The following ADGRL1 variants were observed in gnomAD, a reference collection of about 807,000 sequenced individuals.
ADGRL1 encodes adhesion G protein-coupled receptor L1.
Under a neutral mutation model 148.9 loss-of-function variants are expected in ADGRL1, and 31 were observed. The observed-to-expected ratio is 0.21, with a 90% confidence interval of 0.16 to 0.28. The LOEUF is 0.28. ADGRL1 is among the 10% of genes least tolerant of loss of function. The pLI, the probability that ADGRL1 is intolerant of heterozygous loss-of-function variation, is 1.00. For missense variants in ADGRL1, 1,521 were observed against 2,058.8 expected (o/e 0.74, Z 5.05); for synonymous variants, 937 against 900.3 (o/e 1.04, Z -0.73).
rs372451373 is a variant in ADGRL1 at position 14,152,193 on chromosome 19, G to A, written c.3650-43C>T. 55 of 1,613,970 alleles carry A rather than the reference G, an allele frequency of 3.4e-5. No homozygotes were observed. Among genetic ancestry groups the A allele is most frequent in the Non-Finnish European group, 4.5e-5 (53 of 1,180,022 alleles). On this transcript the variant is annotated intron_variant, in intron 21 of 22. Transcript: ENST00000361434. The surrounding 1 kb of genome is among the most constrained non-coding windows in gnomAD (Gnocchi z 6.1). ...AAGAGAGAAGAGAAAAGGCAAGGATGAGCTCGAAATGCAAGTCCAGGCTCC... is the reference window on the plus strand; with the variant it reads ...AAGAGAGAAGAGAAAAGGCAAGGATAAGCTCGAAATGCAAGTCCAGGCTCC...
In ADGRL1 at chr19:14,157,189, G is replaced by A. The variant is rs1968855721; in HGVS notation, c.2746-44C>T. On this transcript the variant is annotated intron_variant, in intron 14 of 22. Coordinates refer to ENST00000361434, the MANE Select transcript of ADGRL1 (RefSeq NM_014921.5). This position sits in a 1 kb window ranked among gnomAD's most constrained non-coding sequence, Gnocchi z 7.5. ...GTGAGGGGCTGCTGCCTGGACAGGT[G>A]TCCCCCTTCTTCTCCCGGCCCCCAG... The A allele has an allele frequency of 6.2e-7, 1 of 1,612,908 alleles. No individual in the cohort carries two copies. The highest frequency in any genetic ancestry group is 8.5e-7 in the Non-Finnish European group (1 of 1,179,118).
intron 3 of ADGRL1, among the ~76,000 whole-genome samples, chr19:14,172,517 A>T (rs1448309907): frequency 6.6e-6 from 1 of 152,064 alleles, no homozygotes; most frequent in Non-Finnish European, 1.5e-5. Context: ...TGGTGGATGG[A>T]TCACTTGAAG....
At chr19:14,183,858 C>T (rs978638551) in intron 1 of ADGRL1, among the ~76,000 whole-genome samples, 161 bp from the exon 2 acceptor site, 11 of 152,292 alleles carry the variant, frequency 7.2e-5, no homozygotes, top group Admixed American at 7.2e-4. Context: ...TCACACCACA[C>T]CCCCCACCCT....
At chr19:14,203,577 C>T (rs918665309) in intron 1 of ADGRL1, among the ~76,000 whole-genome samples, 12 of 152,192 alleles carry the variant, frequency 7.9e-5, no homozygotes, top group Non-Finnish European at 1.5e-4. Context: ...AACACACTCC[C>T]GTGCAGCTGA....
In ADGRL1 at chr19:14,152,004, C is replaced by CG. The variant is rs1185448800; in HGVS notation, c.3667+128dup. ...CATTCGGCTGCCAGAGGCTGTGTGTCGGGGGGTGGGGAAATGTGGGCATGG... is the reference window on the plus strand; with the variant it reads ...CATTCGGCTGCCAGAGGCTGTGTGTCGGGGGGGTGGGGAAATGTGGGCATGG... On this transcript the variant is annotated intron_variant, in intron 22 of 22. Coordinates refer to ENST00000361434, the MANE Select transcript of ADGRL1 (RefSeq NM_014921.5). This position sits in a 1 kb window ranked among gnomAD's most constrained non-coding sequence, Gnocchi z 6.1. The CG allele has an allele frequency of 5.4e-5, 46 of 857,962 alleles. No homozygotes were observed. The highest frequency in any genetic ancestry group is 5.2e-4 in the South Asian group (37 of 70,780). 53.1% of individuals were successfully genotyped at this position (857,962 alleles called of 1,614,324 possible).
At chr19:14,194,549 T>C (rs1484144370) in intron 1 of ADGRL1, among the ~76,000 whole-genome samples, 4 of 152,210 alleles carry the variant, frequency 2.6e-5, no homozygotes, top group African/African-American at 7.2e-5. Flanking sequence ...GAGATGCTTG[T>C]ACCCACAGTT....
Position 14,156,568 on chromosome 19 carries a change from G to GTGTGT in ADGRL1, c.3033+89_3033+90insACACA, listed in dbSNP as rs755206491. 10 of 825,284 alleles carry GTGTGT rather than the reference G, an allele frequency of 1.2e-5. 1 individual carries two copies. Among genetic ancestry groups the GTGTGT allele is most frequent in the Admixed American group, 6.5e-5 (3 of 46,444 alleles). The allele number at this position is 825,284 out of a possible 1,614,324, so 51.1% of individuals were successfully genotyped here. A position where few individuals can be genotyped will look rare whatever the true frequency, so the allele number is the denominator to read the frequency against. On this transcript the variant is annotated intron_variant, in intron 16 of 22. Transcript: ENST00000361434. ...GAGAGAGAGAGTGTGTGTGTGTGTGGGGGGGGTGGGGGGCGGGGGCAGGGG... is the reference window on the plus strand; with the variant it reads ...GAGAGAGAGAGTGTGTGTGTGTGTGGTGTGTGGGGGGTGGGGGGCGGGGGCAGGGG...
intron 1 of ADGRL1, among the ~76,000 whole-genome samples, chr19:14,193,290 A>AC (rs987138586): frequency 4.0e-5 from 6 of 151,226 alleles, no homozygotes; most frequent in African/African-American, 1.5e-4. Context: ...AAAAAAAAAA[A>AC]AAACTCAGGC....
chr19:14,204,288 G>A (rs916324601), intron 1 of ADGRL1, among the ~76,000 whole-genome samples: 4 of 152,126 alleles, frequency 2.6e-5, no homozygotes, highest in South Asian at 2.1e-4. Context: ...GGAGGAAGGA[G>A]AAGTCACCTG....
At chr19:14,193,113 G>A (rs749337975) in intron 1 of ADGRL1, among the ~76,000 whole-genome samples, 13 of 151,874 alleles carry the variant, frequency 8.6e-5, no homozygotes, top group Admixed American at 4.6e-4. Flanking sequence ...GGAGCACGAC[G>A]CCCTCTCCCC....
intron 1 of ADGRL1, among the ~76,000 whole-genome samples, chr19:14,199,443 A>C (rs1363345605): frequency 6.6e-6 from 1 of 150,610 alleles, no homozygotes; most frequent in Non-Finnish European, 1.5e-5. Flanking sequence ...TTTTAATCGT[A>C]TTTTTAGAGA....
In ADGRL1 at chr19:14,177,601, C is replaced by T. The variant is rs1361934442; in HGVS notation, c.214G>A (p.Asp72Asn). Reference protein sequence around the residue: ...NYGRTDDKICDADPFQMENVQ... With the variant: ...NYGRTDDKICNADPFQMENVQ... ...TTCTCCATCTGGAAAGGGTCAGCAT[C>T]GCAAATCTTGTCGTCCGTGCGCCCG... Residue 72 changes from aspartate (D) to asparagine (N), a missense_variant, in exon 3 of 23, where the codon GAT (aspartate) becomes AAT (asparagine). Coordinates refer to ENST00000361434, the MANE Select transcript of ADGRL1 (RefSeq NM_014921.5). 1.2e-6 allele frequency: 2 copies of T among 1,614,106 alleles called. No homozygotes were observed. Among genetic ancestry groups the T allele is most frequent in the Non-Finnish European group, 1.7e-6 (2 of 1,180,056 alleles).
chr19:14,162,507 C>G lies in ADGRL1; in HGVS notation c.1195+99G>C, dbSNP rs1969498322. On this transcript the variant is annotated intron_variant, in intron 5 of 22. Transcript: ENST00000361434. The surrounding 1 kb of genome is among the most constrained non-coding windows in gnomAD (Gnocchi z 5.4). ...TCCTTTACCTCCCGATCCCCAAGAG[C>G]TCACAGGATGGGGCTCCCCACTCTG... 9.5e-7 allele frequency: 1 copy of G among 1,047,188 alleles called. No individual in the cohort carries two copies. Among genetic ancestry groups the G allele is most frequent in the Non-Finnish European group, 1.4e-6 (1 of 711,152 alleles). The allele number at this position is 1,047,188 out of a possible 1,614,324, so 64.9% of individuals were successfully genotyped here. A position where few individuals can be genotyped will look rare whatever the true frequency, so the allele number is the denominator to read the frequency against.
At chr19:14,187,199 C>A (rs377708071) in intron 1 of ADGRL1, among the ~76,000 whole-genome samples, 1 of 152,062 alleles carries the variant, frequency 6.6e-6, no homozygotes. Context: ...ATTAGCCGGG[C>A]GTGGTGGCGG....
chr19:14,169,928 A>AGGGTCCT (rs942910437), intron 4 of ADGRL1: 1 of 152,266 alleles, frequency 6.6e-6, no homozygotes, highest in Non-Finnish European at 1.5e-5. Flanking sequence ...CAAGATGGCC[A>AGGGTCCT]GGCTCCTGGC....
intron 1 of ADGRL1, among the ~76,000 whole-genome samples, chr19:14,185,133 A>C (rs992334534): frequency 2.1e-4 from 32 of 150,394 alleles, no homozygotes; most frequent in Non-Finnish European, 3.3e-4. Context: ...GCTCCTTCTC[A>C]CCTCTCTCCC....
At chr19:14,169,894 TTGTC>T (rs1430809327) in intron 4 of ADGRL1, 1 of 152,098 alleles carries the variant, frequency 6.6e-6, no homozygotes, top group Non-Finnish European at 1.5e-5. Context: ...GACCTTGTCT[TTGTC>T]TGATCCCTTT....
intron 2 of ADGRL1, among the ~76,000 whole-genome samples, chr19:14,182,418 G>A (rs143303009): frequency 1.3e-4 from 20 of 152,246 alleles, no homozygotes; most frequent in African/African-American, 4.6e-4. Context: ...GGGGACCGTC[G>A]CTTGTAGGTG....
rs1968852896 is a variant in ADGRL1 at position 14,157,170 on chromosome 19, G to T, written c.2746-25C>A. The T allele has an allele frequency of 6.2e-7, 1 of 1,613,518 alleles. No individual in the cohort carries two copies. The highest frequency in any genetic ancestry group is 1.1e-5 in the South Asian group (1 of 91,072). ...TCTGCGGGGAGCACTGAGGGTGAGG[G>T]GCTGCTGCCTGGACAGGTGTCCCCC... On this transcript the variant is annotated intron_variant, in intron 14 of 22. Transcript: ENST00000361434. This position sits in a 1 kb window ranked among gnomAD's most constrained non-coding sequence, Gnocchi z 7.5.
Sources: gnomAD v4.1 joint callset for allele counts (sites outside exome capture counted in the v4.1 genomes callset) on GRCh38, gnomAD v4.1.1 for gene constraint, Gnocchi (gnomAD v3.1) non-coding constraint, MANE v1.5 for transcripts, NCBI Gene and HGNC (gene_info 2026-07-23, HGNC 2026-07-21) for gene names.